The following PDE3B variants were observed in gnomAD, a reference collection of about 807,000 sequenced individuals.
PDE3B encodes the protein cGMP-inhibited 3',5'-cyclic phosphodiesterase 3B.
A neutral mutation model predicts 116.8 loss-of-function variants in PDE3B; 66 were observed. That is an observed-to-expected ratio of 0.56 (90% CI 0.46 to 0.69). PDE3B has a LOEUF of 0.69. PDE3B is among the 30% of genes least tolerant of loss of function. The pLI, the probability that PDE3B is intolerant of heterozygous loss-of-function variation, is 0.00. For synonymous variants in PDE3B, 595 were observed against 533.6 expected (o/e 1.12, Z -1.59); for missense variants, 1,384 against 1,368.1 (o/e 1.01, Z -0.18).
At chr11:14,786,137 C>CT (rs974049038) in intron 2 of PDE3B, among the ~76,000 whole-genome samples, 29 of 151,558 alleles carry the variant, frequency 1.9e-4, no homozygotes, top group Non-Finnish European at 4.0e-4. Flanking sequence ...GAAATAAATG[C>CT]TTTGTATGTT....
At chr11:14,720,957 C>G (rs2133840699) in intron 1 of PDE3B, among the ~76,000 whole-genome samples, 1 of 113,978 alleles carries the variant, frequency 8.8e-6, no homozygotes, top group Non-Finnish European at 1.8e-5. Context: ...TTCTGCACAG[C>G]AAAAGAGACT....
intron 1 of PDE3B, among the ~76,000 whole-genome samples, chr11:14,748,300 T>A (rs1253682684): frequency 6.6e-6 from 1 of 152,228 alleles, no homozygotes; most frequent in Non-Finnish European, 1.5e-5. Context: ...TGTTTCAGAT[T>A]GGCTGCAGCT....
chr11:14,738,583 T>C (rs1856666772), intron 1 of PDE3B, among the ~76,000 whole-genome samples: 2 of 152,042 alleles, frequency 1.3e-5, no homozygotes, highest in African/African-American at 4.8e-5. Flanking sequence ...CTTCTTTTGC[T>C]GTGCAGAAGC....
chr11:14,815,440 C>T (rs1357237072), intron 5 of PDE3B, among the ~76,000 whole-genome samples: 1 of 152,122 alleles, frequency 6.6e-6, no homozygotes. Context: ...GGTTGTTCTT[C>T]ATTTCCGTTG....
rs928610622 is a variant in PDE3B, at chr11:14,758,613, G to A, written c.979-13324G>A. On this transcript the variant is annotated intron_variant, in intron 1 of 15. Transcript: ENST00000282096. ...TGATTTGGCTCTCTGTTTGTCTGTT[G>A]TTGGTGTATAAGAATGCTTGTGATT... Among the ~76,000 whole-genome samples, 10 of 145,482 alleles carry A rather than the reference G, an allele frequency of 6.9e-5. 1 individual carries two copies. Among genetic ancestry groups the A allele is most frequent in the East Asian group, 2.0e-4 (1 of 4,960 alleles).
At chr11:14,668,984 T>A (rs1439725589) in intron 1 of PDE3B, among the ~76,000 whole-genome samples, 1 of 152,086 alleles carries the variant, frequency 6.6e-6, no homozygotes, top group African/African-American at 2.4e-5. Flanking sequence ...AGCGTCCTAA[T>A]GAAAATAGAT....
chr11:14,670,964 C>A lies in PDE3B; in HGVS notation c.978+25911C>A, dbSNP rs545247876. Among the ~76,000 whole-genome samples the A allele has an allele frequency of 3.9e-5, 6 of 151,986 alleles. No homozygotes were observed. The South Asian group carries it at 8.3e-4, about 21-fold the overall frequency. On this transcript the variant is annotated intron_variant, in intron 1 of 15. Transcript: ENST00000282096. ...GTAGGTAATACTCTTGCATCAGTCT[C>A]CTGAGCAGTTGGTACTACAAGTGCA...
chr11:14,879,530 C>T, the PDE3B span: 1 of 1,106,042 alleles, frequency 9.0e-7, no homozygotes, highest in Non-Finnish European at 1.3e-6. Context: ...TAAAGGATAA[C>T]CTATAACAAG....
intron 12 of PDE3B, among the ~76,000 whole-genome samples, chr11:14,850,225 A>G (rs1296512026): frequency 6.6e-6 from 1 of 152,048 alleles, no homozygotes; most frequent in East Asian, 1.9e-4. Context: ...ATTCTCAGTA[A>G]ACTATCGCAA....
At chr11:14,703,479 G>GAT (rs1303722361) in intron 1 of PDE3B, among the ~76,000 whole-genome samples, 1 of 151,268 alleles carries the variant, frequency 6.6e-6, no homozygotes, top group East Asian at 1.9e-4. Context: ...ACCACTCAGT[G>GAT]ATATCAAGGC....
intron 1 of PDE3B, among the ~76,000 whole-genome samples, chr11:14,760,039 G>GT (rs1304774222): frequency 1.3e-5 from 2 of 151,858 alleles, no homozygotes; most frequent in Non-Finnish European, 2.9e-5. Flanking sequence ...AAAATAAATT[G>GT]TGAGTATTGC....
intron 1 of PDE3B, among the ~76,000 whole-genome samples, chr11:14,682,254 G>A (rs1854732504): frequency 6.6e-6 from 1 of 152,190 alleles, no homozygotes; most frequent in African/African-American, 2.4e-5. Flanking sequence ...TCAAACCTGT[G>A]TTCAAGGGTC....
intron 1 of PDE3B, among the ~76,000 whole-genome samples, chr11:14,724,472 T>C (rs974218886): frequency 1.3e-5 from 2 of 152,174 alleles, no homozygotes; most frequent in African/African-American, 4.8e-5. Flanking sequence ...CTGAAGCTTT[T>C]TGAATGCCTA....
At chr11:14,843,803 A>G (rs1847525439) in intron 11 of PDE3B, 24 bp from the exon 12 acceptor site, 5 of 1,587,216 alleles carry the variant, frequency 3.2e-6, no homozygotes, top group Non-Finnish European at 4.3e-6. Context: ...ATGCTGGTTT[A>G]TTTTGCTATT....
chr11:14,867,850 A>G, intron 15 of PDE3B, 92 bp downstream of exon 15: 1 of 1,132,704 alleles, frequency 8.8e-7, no homozygotes, highest in African/African-American at 1.6e-5. Context: ...CCAAAATCCA[A>G]AATTTTTTGA....
rs1487943644 is a variant in PDE3B, at chr11:14,871,502, C to T, written c.*1842C>T. 1 of 152,130 alleles carries T rather than the reference C, an allele frequency of 6.6e-6. No individual in the cohort carries two copies. The highest frequency in any genetic ancestry group is 1.9e-4 in the East Asian group (1 of 5,198). 9.4% of individuals were successfully genotyped at this position (152,130 alleles called of 1,614,324 possible). A position where few individuals can be genotyped will look rare whatever the true frequency, so the allele number is the denominator to read the frequency against. ...ACAAGTGTATGTGTATAAAGTCATA[C>T]ATGTACAAGCATGCATATTGAGATT... is the stretch of plus-strand genomic sequence containing the variant. On this transcript the variant is annotated 3_prime_UTR_variant, in exon 16 of 16. Transcript: ENST00000282096.
intron 1 of PDE3B, among the ~76,000 whole-genome samples, chr11:14,650,795 G>C (rs1853551785): frequency 6.6e-6 from 1 of 152,170 alleles, no homozygotes; most frequent in South Asian, 2.1e-4. Context: ...GGGACCCTGA[G>C]CCAAGGAAAG....
At chr11:14,806,983 C>T (rs1439191303) in intron 5 of PDE3B, among the ~76,000 whole-genome samples, 1 of 151,710 alleles carries the variant, frequency 6.6e-6, no homozygotes, top group Non-Finnish European at 1.5e-5. Flanking sequence ...AGCTGGAAAC[C>T]ATCATTAGCA....
intron 1 of PDE3B, among the ~76,000 whole-genome samples, chr11:14,671,925 G>T (rs865883412): frequency 1.1e-4 from 17 of 151,144 alleles, no homozygotes; most frequent in South Asian, 4.2e-4. Context: ...CTACTTAGGG[G>T]GCTGAGGTGG....
Sources: allele counts gnomAD v4.1 joint callset (sites outside exome capture counted in the v4.1 genomes callset), GRCh38; gene constraint gnomAD v4.1.1; transcripts MANE v1.5; gene names NCBI Gene and HGNC (gene_info 2026-07-23, HGNC 2026-07-21).